Variants in RBFOX3 observed in about 807,000 individuals in gnomAD.
The protein encoded by RBFOX3 is RNA binding protein fox-1 homolog 3.
Under a neutral mutation model 48.7 loss-of-function variants are expected in RBFOX3, and 17 were observed. That is an observed-to-expected ratio of 0.35 (90% CI 0.24 to 0.52). The LOEUF is 0.52. RBFOX3 is among the 20% of genes least tolerant of loss of function. The probability of loss-of-function intolerance (pLI) is 0.94; values close to 1 mark genes in which losing one functional copy is unlikely to be tolerated. For missense variants in RBFOX3, 382 were observed against 497.5 expected (o/e 0.77, Z 2.21); for synonymous variants, 212 against 209.5 (o/e 1.01, Z -0.10).
chr17:79,587,636 C>A (rs1280613105), intron 1 of RBFOX3, among the ~76,000 whole-genome samples: 1 of 152,314 alleles, frequency 6.6e-6, no homozygotes, highest in Middle Eastern at 3.4e-3. Flanking sequence ...GAGGTCCCCC[C>A]ACGGAGCAGC....
chr17:79,426,392 C>T (rs1287830767), intron 2 of RBFOX3, among the ~76,000 whole-genome samples: 1 of 152,204 alleles, frequency 6.6e-6, no homozygotes, highest in Non-Finnish European at 1.5e-5. Context: ...GAACAACCCA[C>T]ATTCTAAACT....
At position 79,097,319 on chromosome 17, in the gene RBFOX3, G is replaced by T; in HGVS notation, c.728C>A (p.Pro243His). The part of the protein sequence containing the change: ...AVYNTFRAAP[P>H]PPPIPTYGAA... ...TCCGTAAGTCGGGATGGGGGGTGGG[G>T]GTGGCGCAGCCCGAAATGTATTATA... Residue 243 changes from proline (P) to histidine (H), a missense_variant, in exon 11 of 15, where the codon CCC (proline) becomes CAC (histidine). This residue lies in a region of RBFOX3 where 215 missense variants were observed against 254.8 expected (regional missense o/e 0.84). Transcript: ENST00000693108. 6.5e-7 allele frequency: 1 copy of T among 1,545,866 alleles called. No homozygotes were observed. The highest frequency in any genetic ancestry group is 8.7e-7 in the Non-Finnish European group (1 of 1,144,144).
intron 1 of RBFOX3, among the ~76,000 whole-genome samples, chr17:79,560,919 G>A (rs1295086251): frequency 6.6e-6 from 1 of 152,132 alleles, no homozygotes; most frequent in African/African-American, 2.4e-5. Flanking sequence ...GAAGCTCATG[G>A]GGATTCAATA....
chr17:79,559,224 C>T (rs2092001906), intron 1 of RBFOX3, among the ~76,000 whole-genome samples: 2 of 152,158 alleles, frequency 1.3e-5, no homozygotes, highest in Non-Finnish European at 2.9e-5. Context: ...ACCTAGCATG[C>T]ATTAAGTGCT....
chr17:79,138,330 C>T (rs568051140), intron 4 of RBFOX3, among the ~76,000 whole-genome samples: 90 of 152,190 alleles, frequency 5.9e-4, no homozygotes, highest in South Asian at 1.2e-3. Flanking sequence ...CGAGCACGCT[C>T]GTGTGTACCA....
intron 2 of RBFOX3, among the ~76,000 whole-genome samples, chr17:79,382,776 G>C (rs2060085454): frequency 6.6e-6 from 1 of 152,214 alleles, no homozygotes; most frequent in Non-Finnish European, 1.5e-5. Flanking sequence ...CTTGCAGCCT[G>C]ATGCAAAAGG....
intron 2 of RBFOX3, among the ~76,000 whole-genome samples, chr17:79,460,474 T>G (rs9902436): frequency 6.6e-6 from 1 of 151,980 alleles, no homozygotes; most frequent in East Asian, 1.9e-4. Flanking sequence ...CTCGCAGGAC[T>G]GTGCCAGCTA....
At chr17:79,574,188 G>C (rs2092781057) in intron 1 of RBFOX3, among the ~76,000 whole-genome samples, 1 of 152,208 alleles carries the variant, frequency 6.6e-6, no homozygotes, top group Admixed American at 6.5e-5. Flanking sequence ...AAGGGAGGAG[G>C]GAATATGTCA....
chr17:79,328,198 G>T (rs2079629281), intron 2 of RBFOX3, among the ~76,000 whole-genome samples: 1 of 152,208 alleles, frequency 6.6e-6, no homozygotes, highest in South Asian at 2.1e-4. Flanking sequence ...GAACGGAGAT[G>T]GGATAGATCC....
At chr17:79,238,143 G>T (rs2061860093) in intron 3 of RBFOX3, among the ~76,000 whole-genome samples, 1 of 152,140 alleles carries the variant, frequency 6.6e-6, no homozygotes, top group Non-Finnish European at 1.5e-5. Context: ...CACCATGTTG[G>T]TCAGGCTGGT....
the RBFOX3 span, among the ~76,000 whole-genome samples, chr17:79,617,950 C>A: frequency 1.3e-5 from 2 of 152,226 alleles, no homozygotes; most frequent in Non-Finnish European, 2.9e-5. Context: ...CACATGTGCA[C>A]CTCCAGGCTT....
intron 1 of RBFOX3, among the ~76,000 whole-genome samples, chr17:79,608,581 C>A (rs1193729657): frequency 6.6e-5 from 10 of 152,238 alleles, no homozygotes; most frequent in Admixed American, 6.5e-4. Flanking sequence ...CTGCCGCACG[C>A]ACGCAGCCAC....
At chr17:79,385,546 C>T (rs1474806979) in intron 2 of RBFOX3, among the ~76,000 whole-genome samples, 1 of 152,140 alleles carries the variant, frequency 6.6e-6, no homozygotes, top group East Asian at 1.9e-4. Context: ...AGCCTGGTCC[C>T]CCATGCCCAT....
intron 4 of RBFOX3, among the ~76,000 whole-genome samples, chr17:79,137,666 C>T (rs987221086): frequency 1.1e-4 from 16 of 152,136 alleles, no homozygotes; most frequent in Middle Eastern, 6.8e-3. Context: ...GGGAGGGTGT[C>T]GGGGGAGGAG....
intron 1 of RBFOX3, among the ~76,000 whole-genome samples, chr17:79,588,675 G>C (rs1254489061): frequency 6.6e-6 from 1 of 152,100 alleles, no homozygotes; most frequent in Admixed American, 6.5e-5. Flanking sequence ...GCTTGGACCT[G>C]GGTGATATAA....
chr17:79,647,159 G>A, the RBFOX3 span, among the ~76,000 whole-genome samples: 1,361 of 152,152 alleles, frequency 8.9e-3, 12 homozygotes, highest in Non-Finnish European at 0.014. Flanking sequence ...GCCTAGAGCC[G>A]TGCCCAGCCA....
the RBFOX3 span, among the ~76,000 whole-genome samples, chr17:79,647,646 C>T: frequency 6.6e-6 from 1 of 152,178 alleles, no homozygotes; most frequent in Non-Finnish European, 1.5e-5. Flanking sequence ...CAGAGAAGCA[C>T]ATGCCACACA....
At position 79,204,947 on chromosome 17, in the gene RBFOX3, G is replaced by T. The variant is rs960809911; in HGVS notation, c.-34+30819C>A. 1.2e-4 allele frequency among the ~76,000 whole-genome samples: 18 copies of T among 152,292 alleles called. No individual in the cohort carries two copies. Among genetic ancestry groups the T allele is most frequent in the South Asian group, 2.1e-4 (1 of 4,830 alleles). On this transcript the variant is annotated intron_variant, in intron 4 of 14. Coordinates refer to ENST00000693108, the MANE Select transcript of RBFOX3 (RefSeq NM_001350451.2). This position sits in a 1 kb window ranked among gnomAD's most constrained non-coding sequence, Gnocchi z 4.5. ...GGGGATGAAATGGATGGGTGGCCAA[G>T]TAGGGTATTGCTTGGCTTATATAGC...
chr17:79,527,426 G>A (rs1489905616), intron 1 of RBFOX3, among the ~76,000 whole-genome samples: 1 of 152,234 alleles, frequency 6.6e-6, no homozygotes, highest in Non-Finnish European at 1.5e-5. Flanking sequence ...GAACCTGGGG[G>A]AGCACGGTTC....
Sources: gnomAD v4.1 joint callset for allele counts (sites outside exome capture counted in the v4.1 genomes callset) on GRCh38, gnomAD v4.1.1 for gene constraint, gnomAD v4.1.1 regional missense constraint, Gnocchi (gnomAD v3.1) non-coding constraint, MANE v1.5 for transcripts, NCBI Gene and HGNC (gene_info 2026-07-23, HGNC 2026-07-21) for gene names.